The following MYO18A variants were observed in gnomAD, a reference collection of about 807,000 sequenced individuals.
The protein encoded by MYO18A is myosin XVIIIA.
In MYO18A, 78 loss-of-function variants were observed where a neutral mutation model predicts 235.8. That is an observed-to-expected ratio of 0.33 (90% CI 0.28 to 0.40). MYO18A has a LOEUF of 0.40. Ranked by LOEUF, MYO18A falls within the 10% of genes least tolerant of loss-of-function variation. MYO18A has a pLI of 1.00. For missense variants in MYO18A, 2,215 were observed against 2,699.3 expected, an observed-to-expected ratio of 0.82 and a Z score of 3.98; for synonymous variants, 977 against 1,077.8, an observed-to-expected ratio of 0.91 and a Z score of 1.83.
chr17:29,113,459 C>T (rs1305466620), intron 15 of MYO18A, among the ~76,000 whole-genome samples: 1 of 152,208 alleles, frequency 6.6e-6, no homozygotes, highest in South Asian at 2.1e-4. Flanking sequence ...ACAAAGCCTG[C>T]CCCCAAAGTT....
At position 29,166,437 on chromosome 17, in the gene MYO18A, C is replaced by T; in HGVS notation, c.504G>A (p.Glu168=). ...CCAGCTGTCCCTCTAGAGTCCTCACCTCCACCTGTGGCGAGGGGGCGGCAG... is the reference window on the plus strand; with the variant it reads ...CCAGCTGTCCCTCTAGAGTCCTCACTTCCACCTGTGGCGAGGGGGCGGCAG... ...EHSAAPSPQV[E]VRTLEGQLVQ... The change falls in exon 2 of 42, where the codon GAG becomes GAA. Residue 168 remains glutamate, a synonymous_variant. Coordinates refer to ENST00000527372, the MANE Select transcript of MYO18A (RefSeq NM_078471.4). 2 of 1,613,808 alleles carry T rather than the reference C, an allele frequency of 1.2e-6. No individual in the cohort carries two copies. Among genetic ancestry groups the T allele is most frequent in the Non-Finnish European group, 1.7e-6 (2 of 1,179,876 alleles).
chr17:29,124,765 G>C (rs1567614219), intron 2 of MYO18A: 1 of 1,162,840 alleles, frequency 8.6e-7, no homozygotes, highest in African/African-American at 1.6e-5. Context: ...CCTTCAGCAA[G>C]TGCTCCTGAG....
Position 29,106,113 on chromosome 17 carries a change from A to G in MYO18A, c.3441+967T>C, listed in dbSNP as rs540328120. Among the ~76,000 whole-genome samples the G allele has an allele frequency of 2.6e-5, 4 of 152,312 alleles. No individual in the cohort carries two copies. In the South Asian group the frequency reaches 8.3e-4, roughly 32 times the overall value. The stretch of plus-strand genomic sequence containing the variant: ...GAAGAGAGGAGTGGGACCAGCAGGC[A>G]CGAGGCTGTGGTCAGAGAAGGCCAT... On this transcript the variant is annotated intron_variant, in intron 20 of 41. Transcript: ENST00000527372. This position sits in a 1 kb window ranked among gnomAD's most constrained non-coding sequence, Gnocchi z 4.6.
intron 2 of MYO18A, among the ~76,000 whole-genome samples, chr17:29,137,495 G>A (rs2067630672): frequency 6.6e-6 from 1 of 152,146 alleles, no homozygotes; most frequent in South Asian, 2.1e-4. Flanking sequence ...AAATTGCTTA[G>A]TAGCTCTTCG....
chr17:29,087,187 T>C, intron 37 of MYO18A, 66 bp from the exon 38 acceptor site: 1 of 1,526,016 alleles, frequency 6.6e-7, no homozygotes, highest in Non-Finnish European at 8.9e-7. Flanking sequence ...AGGGAGGGTG[T>C]GGCAGAGCTC....
chr17:29,089,883 C>A lies in MYO18A; in HGVS notation c.5526+78G>T, dbSNP rs1950494587. 7.6e-6 allele frequency: 12 copies of A among 1,577,020 alleles called. No homozygotes were observed. The Admixed American group carries it at 8.7e-5, about 11-fold the overall frequency. On this transcript the variant is annotated intron_variant, in intron 37 of 41. Transcript: ENST00000527372. ...GAGGACTGTCCGGGGGCCTGTCCAG[C>A]CCTGCTGAGCATGCGCGGCTCCAGC...
At chr17:29,128,308 A>C in intron 2 of MYO18A, 2 of 1,221,366 alleles carry the variant, frequency 1.6e-6, no homozygotes, top group East Asian at 6.6e-5. Context: ...TGGCATTCCC[A>C]AGCTCCTCGC....
At chr17:29,176,792 T>C (rs755928558) in intron 1 of MYO18A, 4 of 152,208 alleles carry the variant, frequency 2.6e-5, no homozygotes, top group Non-Finnish European at 5.9e-5. Context: ...GTGTGCTCCC[T>C]CACGCCGACT....
Position 29,166,790 on chromosome 17 carries a change from A to G in MYO18A, c.151T>C (p.Ser51Pro), listed in dbSNP as rs774836711. 5.0e-6 allele frequency: 8 copies of G among 1,611,086 alleles called. No individual in the cohort carries two copies. In the East Asian group the frequency reaches 1.6e-4, roughly 31 times the overall value. ...CGCGTCTTGGATTCACGCTTGGAGG[A>G]GCGGTTCAGGTTGAAGAAGCCACGT... is the stretch of plus-strand genomic sequence containing the variant. ...LRRGFFNLNR[S>P]SKRESKTRLE... The change falls in exon 2 of 42, where the codon TCC becomes CCC. Residue 51 changes from serine to proline, a missense_variant. Physicochemically the swap from Ser to Pro is moderately conservative, Grantham distance 74 (BLOSUM62 -1). Transcript: ENST00000527372.
chr17:29,098,909 C>T lies in MYO18A; in HGVS notation c.3697G>A (p.Asp1233Asn), dbSNP rs1168791725. The change falls in exon 23 of 42, where the codon GAC becomes AAC. Residue 1233 changes from aspartate (D) to asparagine (N), a missense_variant. By Grantham distance (23) the Asp-to-Asn change is conservative (BLOSUM62 1). Transcript: ENST00000527372. ...GTAAAAAGCTTCCACCAGGGCCAGT[C>T]CTTCACCCCTTTGTTCTTCTTGATG... ...KNIKKNKGVKDWPWWKLFTTV... is the reference protein window; with the variant it reads ...KNIKKNKGVKNWPWWKLFTTV... The T allele has an allele frequency of 5.0e-6, 8 of 1,613,840 alleles. No individual in the cohort carries two copies. The highest frequency in any genetic ancestry group is 6.8e-6 in the Non-Finnish European group (8 of 1,179,872).
At position 29,140,622 on chromosome 17, in the gene MYO18A, T is replaced by G; in HGVS notation, c.1000-18369A>C. The G allele has an allele frequency of 4.8e-6, 1 of 210,204 alleles. No individual in the cohort carries two copies. Among genetic ancestry groups the G allele is most frequent in the Non-Finnish European group, 1.0e-5 (1 of 100,036 alleles). 13.0% of individuals were successfully genotyped at this position (210,204 alleles called of 1,614,324 possible). A position where few individuals can be genotyped will look rare whatever the true frequency, so the allele number is the denominator to read the frequency against. The stretch of plus-strand genomic sequence containing the variant: ...CATTGGGGTGGGGGGCAGGCAGTGT[T>G]AGGGGGTTAGGGCAAGGACAGGGAG... On this transcript the variant is annotated intron_variant, in intron 2 of 41. Transcript: ENST00000527372. This position sits in a 1 kb window ranked among gnomAD's most constrained non-coding sequence, Gnocchi z 4.2.
chr17:29,171,570 C>T (rs2068404909), intron 1 of MYO18A, among the ~76,000 whole-genome samples: 1 of 152,090 alleles, frequency 6.6e-6, no homozygotes, highest in East Asian at 1.9e-4. Flanking sequence ...CTGATGTCTA[C>T]GTTTTACTTT....
intron 23 of MYO18A, 21 bp from the exon 24 acceptor site, chr17:29,098,466 C>G (rs201239938): frequency 3.1e-6 from 5 of 1,613,012 alleles, no homozygotes; most frequent in Non-Finnish European, 4.2e-6. Flanking sequence ...CCAAAGAGGG[C>G]AAAGTGAGCC....
chr17:29,164,343 C>G lies in MYO18A; in HGVS notation c.999+1599G>C, dbSNP rs569098405. ...TCCAGGTCTTCCACACAGGCCTCCT[C>G]CTCCCATTCACTACCCTTCCCTGAC... On this transcript the variant is annotated intron_variant, in intron 2 of 41. Coordinates refer to ENST00000527372, the MANE Select transcript of MYO18A (RefSeq NM_078471.4). Among the ~76,000 whole-genome samples the G allele has an allele frequency of 5.9e-5, 9 of 152,346 alleles. No individual in the cohort carries two copies. In the South Asian group the frequency reaches 1.2e-3, roughly 21 times the overall value.
chr17:29,120,158 G>A lies in MYO18A; in HGVS notation c.1728+458C>T, dbSNP rs2067163136. 6.6e-6 allele frequency among the ~76,000 whole-genome samples: 1 copy of A among 152,222 alleles called. No homozygotes were observed. Among genetic ancestry groups the A allele is most frequent in the Non-Finnish European group, 1.5e-5 (1 of 68,034 alleles). ...AAGAAGACAGGCCCAGCTCCCAAAG[G>A]GGCCCTGCTGCTCTGCCCAGACCCC... is the stretch of plus-strand genomic sequence containing the variant. On this transcript the variant is annotated intron_variant, in intron 7 of 41. Transcript: ENST00000527372. The surrounding 1 kb of genome is among the most constrained non-coding windows in gnomAD (Gnocchi z 4.2).
intron 2 of MYO18A, among the ~76,000 whole-genome samples, chr17:29,150,970 AAAG>A (rs1318305049): frequency 6.6e-6 from 1 of 152,212 alleles, no homozygotes; most frequent in Non-Finnish European, 1.5e-5. Flanking sequence ...GAGGAGGAAG[AAAG>A]GAGGAGAGAG....
intron 19 of MYO18A, chr17:29,107,603 T>TAAAAAAA (rs35996808): frequency 1.9e-5 from 2 of 102,854 alleles, no homozygotes; most frequent in Non-Finnish European, 3.8e-5. Flanking sequence ...CTTATGGTCT[T>TAAAAAAA]AAAAAAAAAA....
intron 14 of MYO18A, 26 bp from the exon 15 acceptor site, chr17:29,114,123 G>C: frequency 6.5e-7 from 1 of 1,542,242 alleles, no homozygotes; most frequent in Non-Finnish European, 8.8e-7. Flanking sequence ...GAGCGGTAGT[G>C]AGCATGGGGG....
rs2065887331 is a variant in MYO18A, at chr17:29,071,853, G to A, written c.*2917C>T. Reference sequence around the variant, plus strand: ...CTAGCAGGTGCAGCATGTATTTTGTGTCTACCTTCCTCCACTTTATGAAGG... The same window carrying A: ...CTAGCAGGTGCAGCATGTATTTTGTATCTACCTTCCTCCACTTTATGAAGG... On this transcript the variant is annotated 3_prime_UTR_variant, in exon 42 of 42. Coordinates refer to ENST00000527372, the MANE Select transcript of MYO18A (RefSeq NM_078471.4). 1 of 152,178 alleles carries A rather than the reference G, an allele frequency of 6.6e-6. No individual in the cohort carries two copies. Among genetic ancestry groups the A allele is most frequent in the Non-Finnish European group, 1.5e-5 (1 of 68,052 alleles). 9.4% of individuals were successfully genotyped at this position (152,178 alleles called of 1,614,324 possible). A position where few individuals can be genotyped will look rare whatever the true frequency, so the allele number is the denominator to read the frequency against.
Sources: gnomAD v4.1 joint callset for allele counts (sites outside exome capture counted in the v4.1 genomes callset) on GRCh38, gnomAD v4.1.1 for gene constraint, Gnocchi (gnomAD v3.1) non-coding constraint, MANE v1.5 for transcripts, NCBI Gene and HGNC (gene_info 2026-07-23, HGNC 2026-07-21) for gene names.